Variants in SLCO6A1 observed in about 807,000 individuals in gnomAD.
SLCO6A1 encodes solute carrier organic anion transporter family member 6A1, also known as cancer/testis antigen 48.
SLCO6A1 carries 65 observed loss-of-function variants against 72.7 expected under a neutral mutation model. The ratio of observed to expected loss-of-function variants is 0.89; its 90% confidence interval spans 0.73 to 1.10. The LOEUF (loss-of-function observed/expected upper bound fraction) is 1.10. Among genes scored for constraint, SLCO6A1 ranks in the 50% least tolerant of loss-of-function variants. The pLI is 0.00. For missense variants in SLCO6A1, 874 were observed against 872.6 expected, an observed-to-expected ratio of 1.00 and a Z score of -0.02; for synonymous variants, 314 against 298.2, an observed-to-expected ratio of 1.05 and a Z score of -0.55.
intron 5 of SLCO6A1, 45 bp downstream of exon 5, chr5:102,459,611 A>G (rs1274625400): frequency 1.3e-6 from 2 of 1,529,676 alleles, no homozygotes; most frequent in Non-Finnish European, 8.8e-7. Context: ...CCATGGTGGA[A>G]GAAACTACTA....
chr5:102,475,910 C>T, intron 3 of SLCO6A1, 117 bp from the exon 4 acceptor site: 1 of 567,652 alleles, frequency 1.8e-6, no homozygotes, highest in Non-Finnish European at 3.0e-6. Flanking sequence ...CTGTATTAGT[C>T]AGAGCTCTCC....
chr5:102,414,787 TAGC>T (rs1748182634), intron 8 of SLCO6A1, among the ~76,000 whole-genome samples: 1 of 151,970 alleles, frequency 6.6e-6, no homozygotes, highest in South Asian at 2.1e-4. Context: ...CCCAGCTACT[TAGC>T]AGGCTGAGGC....
intron 10 of SLCO6A1, among the ~76,000 whole-genome samples, chr5:102,391,705 C>T (rs1235206963): frequency 6.6e-6 from 1 of 152,080 alleles, no homozygotes; most frequent in Non-Finnish European, 1.5e-5. Flanking sequence ...TTTGGGATTC[C>T]TTACACCTTA....
intron 4 of SLCO6A1, among the ~76,000 whole-genome samples, chr5:102,466,357 T>C (rs900388701): frequency 1.3e-5 from 2 of 152,128 alleles, no homozygotes; most frequent in African/African-American, 4.8e-5. Flanking sequence ...GACATGATCT[T>C]GTTCCTTTTT....
At chr5:102,405,173 T>C (rs1356723043) in intron 9 of SLCO6A1, among the ~76,000 whole-genome samples, 1 of 151,946 alleles carries the variant, frequency 6.6e-6, no homozygotes, top group South Asian at 2.1e-4. Flanking sequence ...GGCTAAAATA[T>C]GCAAAAAGTA....
intron 8 of SLCO6A1, among the ~76,000 whole-genome samples, chr5:102,419,227 C>A (rs550192313): frequency 6.6e-6 from 1 of 152,266 alleles, no homozygotes; most frequent in Middle Eastern, 3.4e-3. Context: ...CTGTATTCAG[C>A]TTTTCTAGTT....
At chr5:102,482,313 T>C (rs888252996) in intron 1 of SLCO6A1, among the ~76,000 whole-genome samples, 1 of 152,134 alleles carries the variant, frequency 6.6e-6, no homozygotes, top group Admixed American at 6.5e-5. Context: ...ACATATGACA[T>C]ATTTGTGTGT....
chr5:102,396,327 G>A (rs901664322), intron 10 of SLCO6A1, among the ~76,000 whole-genome samples: 3 of 152,110 alleles, frequency 2.0e-5, no homozygotes, highest in Admixed American at 2.0e-4. Flanking sequence ...GTTTTTGTCA[G>A]GTTTGTCAAA....
chr5:102,449,927 A>G (rs999872757), intron 6 of SLCO6A1, among the ~76,000 whole-genome samples: 1 of 152,162 alleles, frequency 6.6e-6, no homozygotes, highest in African/African-American at 2.4e-5. Context: ...TCCTCAACCG[A>G]TAATACTCCC....
rs1054288366 is a variant in SLCO6A1, at chr5:102,422,415, T to C, written c.1277-2394A>G. Among the ~76,000 whole-genome samples the C allele has an allele frequency of 3.3e-5, 5 of 152,246 alleles. No homozygotes were observed. The East Asian group carries it at 9.6e-4, about 29-fold the overall frequency. On this transcript the variant is annotated intron_variant, in intron 7 of 13. Transcript: ENST00000506729. ...GAGCTGCTAACTAGAATAACCAGTT[T>C]AGAAAAGAACACAAATGATCTGATG...
In SLCO6A1 at chr5:102,374,444, G is replaced by A. The variant is rs144224463; in HGVS notation, c.2018-950C>T. ...GCCTCCTGAGTAGCTGGGACTACAG[G>A]TGGTGACACCACACCTGGCTAATTT... is the stretch of plus-strand genomic sequence containing the variant. On this transcript the variant is annotated intron_variant, in intron 12 of 13. Transcript: ENST00000506729. 2.6e-3 allele frequency among the ~76,000 whole-genome samples: 392 copies of A among 152,198 alleles called. 2 individuals are homozygous for A. The highest frequency in any genetic ancestry group is 4.8e-3 in the Non-Finnish European group (327 of 68,006).
At chr5:102,417,489 T>A (rs1012913146) in intron 8 of SLCO6A1, among the ~76,000 whole-genome samples, 2 of 152,124 alleles carry the variant, frequency 1.3e-5, no homozygotes, top group African/African-American at 4.8e-5. Flanking sequence ...TGTTGATTTA[T>A]GTGTTGTGAC....
chr5:102,405,788 A>G (rs1747638078), intron 9 of SLCO6A1, among the ~76,000 whole-genome samples: 1 of 152,102 alleles, frequency 6.6e-6, no homozygotes, highest in African/African-American at 2.4e-5. Context: ...TTTTCATAAG[A>G]TATTTTAAGT....
intron 4 of SLCO6A1, 98 bp downstream of exon 4, chr5:102,475,599 A>G (rs1003205197): frequency 5.7e-6 from 4 of 698,406 alleles, no homozygotes; most frequent in African/African-American, 5.4e-5. Flanking sequence ...AACTATGGTT[A>G]TTACAAATTA....
In SLCO6A1 at chr5:102,483,902, G is replaced by A. The variant is rs554688211; in HGVS notation, c.359-3468C>T. ...CACAGAAGTGATCTGGTGAGTTTGAGTTCAACTTATGTTGCAATTCTGCCG... is the reference window on the plus strand; with the variant it reads ...CACAGAAGTGATCTGGTGAGTTTGAATTCAACTTATGTTGCAATTCTGCCG... On this transcript the variant is annotated intron_variant, in intron 1 of 13. Transcript: ENST00000506729. Among the ~76,000 whole-genome samples, 8 of 152,270 alleles carry A rather than the reference G, an allele frequency of 5.3e-5. No homozygotes were observed. In the South Asian group the frequency reaches 6.2e-4, roughly 12 times the overall value.
At chr5:102,487,644 G>T (rs561636785) in intron 1 of SLCO6A1, among the ~76,000 whole-genome samples, 7 of 152,220 alleles carry the variant, frequency 4.6e-5, no homozygotes, top group Admixed American at 3.3e-4. Flanking sequence ...TCACAATTCT[G>T]GCTAATATAC....
chr5:102,419,386 C>T (rs962769207), intron 8 of SLCO6A1, among the ~76,000 whole-genome samples: 3 of 152,074 alleles, frequency 2.0e-5, no homozygotes, highest in African/African-American at 7.2e-5. Context: ...CCCAATTCTT[C>T]GAATTTTGGC....
intron 1 of SLCO6A1, among the ~76,000 whole-genome samples, chr5:102,488,761 C>T (rs923664451): frequency 6.6e-6 from 1 of 152,192 alleles, no homozygotes; most frequent in Non-Finnish European, 1.5e-5. Flanking sequence ...AAGGTCAGTA[C>T]TGTCTTCAAA....
intron 2 of SLCO6A1, among the ~76,000 whole-genome samples, chr5:102,479,699 C>A (rs1752089187): frequency 1.3e-5 from 2 of 152,106 alleles, no homozygotes; most frequent in Admixed American, 6.6e-5. Context: ...AAAACTGCAA[C>A]CCTACTCAAA....
Sources: gnomAD v4.1 joint callset for allele counts (sites outside exome capture counted in the v4.1 genomes callset) on GRCh38, gnomAD v4.1.1 for gene constraint, MANE v1.5 for transcripts, NCBI Gene and HGNC (gene_info 2026-07-23, HGNC 2026-07-21) for gene names.